DGKB: variants seen among roughly 807,000 people sequenced by gnomAD.
DGKB encodes diacylglycerol kinase beta.
A neutral mutation model predicts 114.3 loss-of-function variants in DGKB; 67 were observed. The ratio of observed to expected loss-of-function variants is 0.59; its 90% CI spans 0.48 to 0.72. The LOEUF (loss-of-function observed/expected upper bound fraction) is 0.72, where lower values mean the gene tolerates loss of function less well. DGKB is among the 30% of genes least tolerant of loss of function. The pLI, the probability that DGKB is intolerant of heterozygous loss-of-function variation, is 0.00. For missense variants in DGKB, 907 were observed against 975.2 expected (o/e 0.93, Z 0.93); for synonymous variants, 398 against 323.1 (o/e 1.23, Z -2.49).
chr7:14,548,567 T>C (rs181393226), intron 20 of DGKB, among the ~76,000 whole-genome samples: 230 of 152,154 alleles, frequency 1.5e-3, no homozygotes, highest in Non-Finnish European at 2.3e-3. Context: ...GAATTGATGA[T>C]AGGAGCAAAG....
intron 21 of DGKB, among the ~76,000 whole-genome samples, chr7:14,373,245 T>G (rs1419864950): frequency 6.6e-6 from 1 of 152,216 alleles, no homozygotes; most frequent in Non-Finnish European, 1.5e-5. Context: ...ATTGTTATTT[T>G]GGGGCTGTTT....
At chr7:14,966,730 G>C (rs997113275) in intron 1 of DGKB, among the ~76,000 whole-genome samples, 1 of 151,916 alleles carries the variant, frequency 6.6e-6, no homozygotes, top group Non-Finnish European at 1.5e-5. Context: ...AATAACCTCA[G>C]GCAATCTAAT....
intron 21 of DGKB, among the ~76,000 whole-genome samples, chr7:14,434,838 G>C (rs898442439): frequency 1.3e-5 from 2 of 152,114 alleles, no homozygotes; most frequent in African/African-American, 4.8e-5. Context: ...AAACCAGTAA[G>C]AGTATGACGT....
chr7:14,862,749 C>T (rs190462341), intron 1 of DGKB, among the ~76,000 whole-genome samples: 30 of 152,140 alleles, frequency 2.0e-4, no homozygotes, highest in South Asian at 1.7e-3. Flanking sequence ...GAATCAAGAA[C>T]GCTTATAACT....
chr7:14,911,412 T>C (rs956903177), intron 1 of DGKB, among the ~76,000 whole-genome samples: 15 of 152,088 alleles, frequency 9.9e-5, no homozygotes, highest in Non-Finnish European at 7.4e-5. Context: ...TTATACAGTA[T>C]ATTTATTATT....
At position 14,910,256 on chromosome 7, in the gene DGKB, A is replaced by AAGAG. The variant is rs879802489; in HGVS notation, c.-188+64439_-188+64440insCTCT. ...ACTCCATCAAAAAAAGAAAGAAAGA[A>AAGAG]AGAAAGAAAGAAAGAAAGAAAGAAA... On this transcript the variant is annotated intron_variant, in intron 1 of 4. Transcript: ENST00000437998. 4.2e-3 allele frequency among the ~76,000 whole-genome samples: 252 copies of AAGAG among 60,380 alleles called. 6 individuals are homozygous for AAGAG. The highest frequency in any genetic ancestry group is 0.017 in the African/African-American group (242 of 13,872). 39.6% of individuals were successfully genotyped at this position (60,380 alleles called of 152,430 possible). A position where few individuals can be genotyped will look rare whatever the true frequency, so the allele number is the denominator to read the frequency against.
chr7:14,824,426 A>G (rs1054386095), intron 2 of DGKB, among the ~76,000 whole-genome samples: 6 of 152,180 alleles, frequency 3.9e-5, no homozygotes, highest in Non-Finnish European at 7.3e-5. Context: ...TAGGAGAGAA[A>G]TAGAAATAAG....
intron 13 of DGKB, among the ~76,000 whole-genome samples, chr7:14,654,583 T>G (rs1436734192): frequency 6.6e-6 from 1 of 151,862 alleles, no homozygotes; most frequent in Non-Finnish European, 1.5e-5. Flanking sequence ...GTAGTCAAAG[T>G]AATACTGAGC....
At chr7:14,355,810 C>T (rs994548275) in intron 21 of DGKB, among the ~76,000 whole-genome samples, 5 of 152,094 alleles carry the variant, frequency 3.3e-5, no homozygotes, top group Admixed American at 6.6e-5. Context: ...TTAGGGAAGA[C>T]TCCCTCTTTC....
chr7:14,584,156 A>G (rs78021458), intron 17 of DGKB, among the ~76,000 whole-genome samples: 2 of 152,190 alleles, frequency 1.3e-5, no homozygotes, highest in African/African-American at 4.8e-5. Context: ...TAACATATGC[A>G]TATGTCATGT....
chr7:14,484,034 T>G (rs1237689503), intron 20 of DGKB, among the ~76,000 whole-genome samples: 2 of 115,480 alleles, frequency 1.7e-5, no homozygotes, highest in African/African-American at 4.3e-5. Context: ...TCATGTAGGG[T>G]TTTTTTTTTT....
At chr7:14,823,077 ATACAAT>A (rs1845171215) in intron 2 of DGKB, among the ~76,000 whole-genome samples, 1 of 151,832 alleles carries the variant, frequency 6.6e-6, no homozygotes, top group African/African-American at 2.4e-5. Flanking sequence ...ATCTCATCTC[ATACAAT>A]TACAAAGAGT....
intron 23 of DGKB, among the ~76,000 whole-genome samples, chr7:14,329,920 C>T (rs1357323162): frequency 6.6e-6 from 1 of 151,910 alleles, no homozygotes; most frequent in African/African-American, 2.4e-5. Flanking sequence ...AGTTAAGATG[C>T]AGCTTTACTC....
chr7:14,555,127 T>C (rs376866412), intron 20 of DGKB, among the ~76,000 whole-genome samples: 45 of 152,324 alleles, frequency 3.0e-4, no homozygotes, highest in African/African-American at 9.1e-4. Context: ...ATATTTCACA[T>C]GGCTTTGAAG....
chr7:14,793,458 C>T (rs938816141), intron 2 of DGKB, among the ~76,000 whole-genome samples: 3 of 152,096 alleles, frequency 2.0e-5, no homozygotes, highest in African/African-American at 7.2e-5. Flanking sequence ...GCTTTGCCTT[C>T]TGTCTGCTTT....
At chr7:14,200,493 CTT>C (rs561467054) in intron 23 of DGKB, among the ~76,000 whole-genome samples, 99 of 152,152 alleles carry the variant, frequency 6.5e-4, no homozygotes, top group Admixed American at 3.1e-3. Context: ...CTAATTGTCT[CTT>C]TTTGTTTCTT....
At chr7:14,544,782 T>A (rs1794022722) in intron 20 of DGKB, among the ~76,000 whole-genome samples, 1 of 152,138 alleles carries the variant, frequency 6.6e-6, no homozygotes. Flanking sequence ...TAGGACAGGG[T>A]GTTAAATTCC....
chr7:14,564,524 T>C (rs1316058528), intron 20 of DGKB, among the ~76,000 whole-genome samples: 1 of 152,196 alleles, frequency 6.6e-6, no homozygotes, highest in Non-Finnish European at 1.5e-5. Flanking sequence ...TATATGTTTG[T>C]CAGGGGAAGA....
At chr7:14,479,337 A>T (rs1782650552) in intron 20 of DGKB, among the ~76,000 whole-genome samples, 1 of 152,172 alleles carries the variant, frequency 6.6e-6, no homozygotes, top group Non-Finnish European at 1.5e-5. Flanking sequence ...ACAAAAAGAG[A>T]GGGACCAATG....
Sources: gnomAD v4.1 joint callset for allele counts (sites outside exome capture counted in the v4.1 genomes callset) on GRCh38, gnomAD v4.1.1 for gene constraint, MANE v1.5 for transcripts, NCBI Gene and HGNC (gene_info 2026-07-23, HGNC 2026-07-21) for gene names.